Variants in CHRM3 observed in about 807,000 individuals in gnomAD.
CHRM3 encodes muscarinic acetylcholine receptor M3.
CHRM3 carries 11 observed loss-of-function variants against 41.8 expected under a neutral mutation model. That is an observed-to-expected ratio of 0.26 (90% CI 0.17 to 0.44). CHRM3 has a LOEUF of 0.44. CHRM3 is among the 20% of genes least tolerant of loss of function. The probability of loss-of-function intolerance (pLI) is 1.00; values close to 1 mark genes in which losing one functional copy is unlikely to be tolerated. For missense variants in CHRM3, 571 were observed against 745.4 expected, an observed-to-expected ratio of 0.77 and a Z score of 2.72; for synonymous variants, 297 against 301.4, an observed-to-expected ratio of 0.99 and a Z score of 0.15.
At chr1:239,562,978 G>A (rs16838502) in intron 3 of CHRM3, among the ~76,000 whole-genome samples, 4,630 of 151,610 alleles carry the variant, frequency 0.031, 256 homozygotes, top group African/African-American at 0.11. Flanking sequence ...GTAGCGAAAT[G>A]GAATAAACTG....
chr1:239,539,029 TC>T (rs1171967121), intron 2 of CHRM3, among the ~76,000 whole-genome samples: 1 of 152,206 alleles, frequency 6.6e-6, no homozygotes, highest in Non-Finnish European at 1.5e-5. Context: ...TGCATTTTTA[TC>T]CAGAATATCA....
chr1:239,863,211 C>T (rs182319641), intron 6 of CHRM3, among the ~76,000 whole-genome samples: 2 of 152,284 alleles, frequency 1.3e-5, no homozygotes, highest in East Asian at 3.9e-4. Context: ...GAAAGAGACA[C>T]CCTGAATATA....
At chr1:239,572,459 G>C (rs1408825701) in intron 3 of CHRM3, among the ~76,000 whole-genome samples, 1 of 152,180 alleles carries the variant, frequency 6.6e-6, no homozygotes, top group Non-Finnish European at 1.5e-5. Context: ...TGAAGGTCAT[G>C]TTGAATGAGA....
chr1:239,570,398 G>A (rs1433190847), intron 3 of CHRM3, among the ~76,000 whole-genome samples: 3 of 152,102 alleles, frequency 2.0e-5, no homozygotes, highest in African/African-American at 7.2e-5. Context: ...TTTCTTTATA[G>A]CAGCGTGATA....
intron 2 of CHRM3, among the ~76,000 whole-genome samples, chr1:239,515,412 G>GT (rs66467909): frequency 0.24 from 31,985 of 135,888 alleles, 4,090 homozygotes; most frequent in Middle Eastern, 0.41. Flanking sequence ...TGTTTTTTTT[G>GT]TTTTTTTTTT....
At chr1:239,809,581 T>C (rs1337009457) in intron 5 of CHRM3, among the ~76,000 whole-genome samples, 1 of 152,094 alleles carries the variant, frequency 6.6e-6, no homozygotes, top group Non-Finnish European at 1.5e-5. Flanking sequence ...CACTACAGCC[T>C]CAACTTCCCA....
rs58433814 is a variant in CHRM3, at chr1:239,531,639, A to ATTT, written c.-421-13967_-421-13965dup. Among the ~76,000 whole-genome samples the ATTT allele has an allele frequency of 5.3e-3, 296 of 55,896 alleles. 83 individuals carry two copies. Among genetic ancestry groups the ATTT allele is most frequent in the African/African-American group, 9.4e-3 (107 of 11,328 alleles). 36.7% of individuals were successfully genotyped at this position (55,896 alleles called of 152,430 possible). On this transcript the variant is annotated intron_variant, in intron 2 of 6. Transcript: ENST00000676153. ...ATAAAAACTAATCTCTCTAGAATGG[A>ATTT]TTTTTTTTTTTTTTTTTTTTTTTTT...
In CHRM3 at chr1:239,409,591, T is replaced by A. The variant is rs74771054; in HGVS notation, c.-521+22364T>A. ...GACTTTTAAGCAGATATTTAAAAAA[T>A]TTTTGGGGCTATTTTACTAGGACCA... On this transcript the variant is annotated intron_variant, in intron 1 of 6. Coordinates refer to ENST00000676153, the MANE Select transcript of CHRM3 (RefSeq NM_001375978.1). 0.014 allele frequency among the ~76,000 whole-genome samples: 2,114 copies of A among 152,184 alleles called. 114 individuals are homozygous for A. The East Asian group carries it at 0.18, about 13-fold the overall frequency.
intron 6 of CHRM3, among the ~76,000 whole-genome samples, chr1:239,899,011 C>G (rs571070203): frequency 5.3e-5 from 8 of 152,200 alleles, no homozygotes; most frequent in Non-Finnish European, 8.8e-5. Context: ...TTGTTTCACC[C>G]TCTTCTTTTA....
At chr1:239,831,232 T>C (rs915553450) in intron 6 of CHRM3, among the ~76,000 whole-genome samples, 3 of 152,068 alleles carry the variant, frequency 2.0e-5, no homozygotes, top group African/African-American at 7.2e-5. Flanking sequence ...TAACTCTAAA[T>C]GGAAGATATT....
At chr1:239,732,922 T>G (rs1664080262) in intron 5 of CHRM3, among the ~76,000 whole-genome samples, 1 of 151,862 alleles carries the variant, frequency 6.6e-6, no homozygotes, top group African/African-American at 2.4e-5. Flanking sequence ...AATATCTCAT[T>G]TAGATAAGTA....
chr1:239,780,858 C>G (rs1022613576), intron 5 of CHRM3, among the ~76,000 whole-genome samples: 1 of 151,642 alleles, frequency 6.6e-6, no homozygotes, highest in Non-Finnish European at 1.5e-5. Context: ...TCGAGTCGTT[C>G]CAGTTGTGGA....
chr1:239,583,201 T>C (rs1194844658), intron 3 of CHRM3, among the ~76,000 whole-genome samples: 1 of 152,188 alleles, frequency 6.6e-6, no homozygotes, highest in Non-Finnish European at 1.5e-5. Flanking sequence ...GAGTGAACCA[T>C]ACGGGAAGGC....
intron 4 of CHRM3, among the ~76,000 whole-genome samples, chr1:239,659,376 C>T (rs979067608): frequency 5.3e-5 from 8 of 152,138 alleles, no homozygotes; most frequent in African/African-American, 1.7e-4. Context: ...TATGGGTAAA[C>T]TCCACTTCCC....
At chr1:239,678,655 A>C (rs1258328837) in intron 5 of CHRM3, among the ~76,000 whole-genome samples, 1 of 152,162 alleles carries the variant, frequency 6.6e-6, no homozygotes, top group African/African-American at 2.4e-5. Flanking sequence ...TGTAGTCCAA[A>C]ATTCTTACAG....
intron 3 of CHRM3, among the ~76,000 whole-genome samples, chr1:239,557,408 C>G (rs1660465708): frequency 1.3e-5 from 2 of 152,168 alleles, no homozygotes; most frequent in South Asian, 4.1e-4. Context: ...ACTACTCTAA[C>G]ACACCTCTGA....
Position 239,810,604 on chromosome 1 carries a change from G to A in CHRM3, c.-146-16648G>A, listed in dbSNP as rs147548401. ...AAATGTTATTTGCCTGAGATTTACTGGAAGTTGCATTTTCCAGTAGCCACC... is the reference window on the plus strand; with the variant it reads ...AAATGTTATTTGCCTGAGATTTACTAGAAGTTGCATTTTCCAGTAGCCACC... On this transcript the variant is annotated intron_variant, in intron 5 of 6. Transcript: ENST00000676153. Among the ~76,000 whole-genome samples, 382 of 152,304 alleles carry A rather than the reference G, an allele frequency of 2.5e-3. 3 individuals are homozygous for A. Among genetic ancestry groups the A allele is most frequent in the African/African-American group, 8.9e-3 (368 of 41,562 alleles).
chr1:239,909,404 T>G lies in CHRM3; in HGVS notation c.*180T>G, dbSNP rs566615395. 6.1e-6 allele frequency: 3 copies of G among 491,728 alleles called. No individual in the cohort carries two copies. The South Asian group carries it at 1.4e-4, about 23-fold the overall frequency. The allele number at this position is 491,728 out of a possible 1,614,324, so 30.5% of individuals were successfully genotyped here. A position where few individuals can be genotyped will look rare whatever the true frequency, so the allele number is the denominator to read the frequency against. On this transcript the variant is annotated 3_prime_UTR_variant, in exon 7 of 7. Coordinates refer to ENST00000676153, the MANE Select transcript of CHRM3 (RefSeq NM_001375978.1). The stretch of plus-strand genomic sequence containing the variant: ...AACCCATTTTAATAGAAAAAGTCAA[T>G]ACCAATTCAGCAAAAAGAAAAAAAA...
intron 4 of CHRM3, among the ~76,000 whole-genome samples, chr1:239,671,244 G>T (rs1020771215): frequency 5.9e-5 from 9 of 152,084 alleles, no homozygotes; most frequent in African/African-American, 1.9e-4. Flanking sequence ...CTCACTGTGG[G>T]TTCTCTTGTC....
Sources: allele counts gnomAD v4.1 joint callset (sites outside exome capture counted in the v4.1 genomes callset), GRCh38; gene constraint gnomAD v4.1.1; transcripts MANE v1.5; gene names NCBI Gene and HGNC (gene_info 2026-07-23, HGNC 2026-07-21).